Variants in PCDHA8 observed in about 807,000 individuals in gnomAD.
PCDHA8 encodes the protein protocadherin alpha-8.
PCDHA8 carries 53 observed loss-of-function variants against 61.8 expected under a neutral mutation model. The ratio of observed to expected loss-of-function variants is 0.86; its 90% CI spans 0.69 to 1.08. The LOEUF (loss-of-function observed/expected upper bound fraction) is 1.08. Ranked by LOEUF, PCDHA8 falls within the 50% of genes least tolerant of loss-of-function variation. The pLI is 0.00. For missense variants in PCDHA8, 1,293 were observed against 1,245.0 expected, an observed-to-expected ratio of 1.04 and a Z score of -0.58; for synonymous variants, 618 against 556.6, an observed-to-expected ratio of 1.11 and a Z score of -1.55.
At chr5:140,969,109 T>C (rs782731369) in intron 1 of PCDHA8, 10 of 1,614,126 alleles carry the variant, frequency 6.2e-6, no homozygotes, top group Non-Finnish European at 8.5e-6. Flanking sequence ...TCATTGAAGT[T>C]CGAGGGAATG....
intron 1 of PCDHA8, chr5:140,968,967 A>G (rs782494657): frequency 2.5e-6 from 4 of 1,614,216 alleles, no homozygotes; most frequent in East Asian, 2.2e-5. Context: ...TGCTACCGCT[A>G]CACTGCGTAT....
intron 1 of PCDHA8, among the ~76,000 whole-genome samples, chr5:140,951,473 C>G (rs1009151700): frequency 1.3e-5 from 2 of 151,880 alleles, no homozygotes; most frequent in Non-Finnish European, 2.9e-5. Context: ...TTCTGGGGAG[C>G]CTTCAAGAAT....
At position 140,841,385 on chromosome 5, in the gene PCDHA8, G is replaced by A; in HGVS notation, c.64G>A (p.Ala22Thr). 6.2e-7 allele frequency: 1 copy of A among 1,613,440 alleles called. No individual in the cohort carries two copies. The highest frequency in any genetic ancestry group is 8.5e-7 in the Non-Finnish European group (1 of 1,179,834). ...WRLLLLLLLL[A>T]AWKVGSGQLH... ...ACTACTACTCTTGCTTCTGCTCCTC[G>A]CAGCCTGGAAGGTGGGGAGCGGCCA... Residue 22 changes from alanine (A) to threonine (T), a missense_variant, in exon 1 of 4, where the codon GCA becomes ACA. Physicochemically the swap from Ala to Thr is moderately conservative, Grantham distance 58 (BLOSUM62 0). Coordinates refer to ENST00000531613, the MANE Select transcript of PCDHA8 (RefSeq NM_018911.3).
intron 1 of PCDHA8, among the ~76,000 whole-genome samples, chr5:140,854,934 C>G (rs1363898254): frequency 6.7e-6 from 1 of 149,702 alleles, no homozygotes; most frequent in Non-Finnish European, 1.5e-5. Flanking sequence ...CCTCTGAAAG[C>G]AGAAATAATA....
At chr5:140,962,171 G>A (rs1218733161) in intron 1 of PCDHA8, among the ~76,000 whole-genome samples, 3 of 151,902 alleles carry the variant, frequency 2.0e-5, no homozygotes, top group Non-Finnish European at 4.4e-5. Context: ...CACCACACCC[G>A]GCCACTTATA....
At chr5:140,905,446 A>G (rs1421760693) in intron 1 of PCDHA8, among the ~76,000 whole-genome samples, 2 of 152,180 alleles carry the variant, frequency 1.3e-5, no homozygotes, top group East Asian at 3.9e-4. Flanking sequence ...GCCTTTTAGT[A>G]TAATTTAAAG....
intron 1 of PCDHA8, chr5:140,854,137 G>A (rs1297927276): frequency 9.5e-6 from 4 of 422,564 alleles, no homozygotes; most frequent in Non-Finnish European, 9.2e-6. Context: ...ATTTCAGCCC[G>A]GGTGACAGCA....
intron 3 of PCDHA8, among the ~76,000 whole-genome samples, chr5:141,007,992 C>T (rs1215200964): frequency 1.3e-5 from 2 of 152,132 alleles, no homozygotes; most frequent in Admixed American, 6.5e-5. Context: ...ATGAAATGTA[C>T]ATGTTAATAA....
chr5:140,974,126 T>C (rs1554235851), intron 1 of PCDHA8, among the ~76,000 whole-genome samples: 1 of 152,242 alleles, frequency 6.6e-6, no homozygotes, highest in Non-Finnish European at 1.5e-5. Flanking sequence ...GTGTTTTAAA[T>C]CTGCTAACCT....
Position 140,848,772 on chromosome 5 carries a change from G to C in PCDHA8, c.2394+5057G>C, listed in dbSNP as rs2150420106. 4 of 1,593,480 alleles carry C rather than the reference G, an allele frequency of 2.5e-6. No individual in the cohort carries two copies. In the African/African-American group the frequency reaches 5.4e-5, roughly 21 times the overall value. ...GTTTGTGAATTCTCGGATCGACCGC[G>C]AGGAGCTGTGCGGGCGGAGCGCGGA... On this transcript the variant is annotated intron_variant, in intron 1 of 3. Coordinates refer to ENST00000531613, the MANE Select transcript of PCDHA8 (RefSeq NM_018911.3).
chr5:141,007,094 A>G (rs559556000), intron 3 of PCDHA8, among the ~76,000 whole-genome samples: 1 of 152,300 alleles, frequency 6.6e-6, no homozygotes, highest in Admixed American at 6.5e-5. Context: ...AAGAGAGTCT[A>G]GGGCCAAACC....
At chr5:140,892,561 A>T (rs766284976) in intron 1 of PCDHA8, among the ~76,000 whole-genome samples, 1 of 152,156 alleles carries the variant, frequency 6.6e-6, no homozygotes, top group Non-Finnish European at 1.5e-5. Context: ...GTCCTTGGAG[A>T]CTGTCAAAAG....
At chr5:140,870,417 C>T (rs2051990915) in intron 1 of PCDHA8, 1 of 1,614,092 alleles carries the variant, frequency 6.2e-7, no homozygotes, top group Admixed American at 1.7e-5. Flanking sequence ...GGGCCACGGC[C>T]AGGGTATCCG....
rs185115696 is a variant in PCDHA8, at chr5:140,899,982, A to G, written c.2394+56267A>G. Among the ~76,000 whole-genome samples the G allele has an allele frequency of 7.7e-3, 1,166 of 150,716 alleles. 5 individuals carry two copies. The highest frequency in any genetic ancestry group is 0.018 in the African/African-American group (738 of 41,016). On this transcript the variant is annotated intron_variant, in intron 1 of 3. Coordinates refer to ENST00000531613, the MANE Select transcript of PCDHA8 (RefSeq NM_018911.3). Reference sequence around the variant, plus strand: ...GCTGCCATGCCCAGCTACTTTTTTGATTTTTTTTGTAGAGATGAGGTCTCA... The same window carrying G: ...GCTGCCATGCCCAGCTACTTTTTTGGTTTTTTTTGTAGAGATGAGGTCTCA...
rs2150496669 is a variant in PCDHA8 at position 140,850,740 on chromosome 5, T to C, written c.2394+7025T>C. 3.8e-6 allele frequency: 6 copies of C among 1,597,446 alleles called. No individual in the cohort carries two copies. In the South Asian group the frequency reaches 4.4e-5, roughly 12 times the overall value. On this transcript the variant is annotated intron_variant, in intron 1 of 3. Transcript: ENST00000531613. ...GTGTTCTAGCGCGGTGGGGAGTTGG[T>C]CGTACTCGCAGCAGAGGAGGCAGAG...
At chr5:140,870,139 T>C in intron 1 of PCDHA8, 1 of 1,613,992 alleles carries the variant, frequency 6.2e-7, no homozygotes, top group Non-Finnish European at 8.5e-7. Flanking sequence ...CAACGATAAC[T>C]CTCCTGAAGT....
chr5:140,877,476 G>T (rs1554169787), intron 1 of PCDHA8: 2 of 1,613,870 alleles, frequency 1.2e-6, no homozygotes, highest in South Asian at 1.1e-5. Flanking sequence ...TGCTGGTGTC[G>T]CTGGTGGAGA....
In PCDHA8 at chr5:140,994,514, G is replaced by A. The variant is rs186617066; in HGVS notation, c.2542+11951G>A. On this transcript the variant is annotated intron_variant, in intron 3 of 3. Transcript: ENST00000531613. Reference sequence around the variant, plus strand: ...ACCCAGGAGTTTGAGAACAGCCTGGGCAACATGGCAAAACCCCATCTCTAC... The same window carrying A: ...ACCCAGGAGTTTGAGAACAGCCTGGACAACATGGCAAAACCCCATCTCTAC... Among the ~76,000 whole-genome samples, 76 of 150,406 alleles carry A rather than the reference G, an allele frequency of 5.1e-4. 1 individual carries two copies. The highest frequency in any genetic ancestry group is 8.8e-5 in the Non-Finnish European group (6 of 67,822).
chr5:140,889,700 T>C (rs1554184005), intron 1 of PCDHA8, among the ~76,000 whole-genome samples: 1 of 152,200 alleles, frequency 6.6e-6, no homozygotes, highest in African/African-American at 2.4e-5. Context: ...TATGGGCATA[T>C]TCCACAAGTT....
Sources: gnomAD v4.1 joint callset for allele counts (sites outside exome capture counted in the v4.1 genomes callset) on GRCh38, gnomAD v4.1.1 for gene constraint, MANE v1.5 for transcripts, NCBI Gene and HGNC (gene_info 2026-07-23, HGNC 2026-07-21) for gene names.